Variants in NHS observed in about 807,000 individuals in gnomAD.
The protein encoded by NHS is NHS actin remodeling regulator, also known as actin remodeling regulator NHS.
NHS carries 5 observed loss-of-function variants against 72.5 expected under a neutral mutation model. The observed-to-expected ratio is 0.07, with a 90% confidence interval of 0.04 to 0.14. The LOEUF is 0.14. NHS is among the 10% of genes least tolerant of loss of function. The pLI is 1.00. For synonymous variants in NHS, 464 were observed against 547.7 expected (o/e 0.85, Z 2.13); for missense variants, 1,072 against 1,355.7 (o/e 0.79, Z 3.29).
chrX:17,687,838 C>A lies in NHS; in HGVS notation c.662C>A (p.Pro221His). The change falls in exon 2 of 9, where the codon CCC becomes CAC. Residue 221 changes from proline to histidine, a missense_variant. Coordinates refer to ENST00000676302, the MANE Select transcript of NHS (RefSeq NM_001291867.2). ...RNIFLPATRP[P>H]CVEELHRHAR... ...ATCTTCCTCCCAGCCACAAGGCCAC[C>A]CTGCGTGGAGGAGCTGCACCGCCAC... 2 of 1,212,047 alleles carry A rather than the reference C, an allele frequency of 1.7e-6. No individual in the cohort carries two copies. The highest frequency in any genetic ancestry group is 4.3e-5 in the Admixed American group (2 of 46,099).
chrX:17,392,734 A>G (rs2064451657), intron 1 of NHS, among the ~76,000 whole-genome samples: 2 of 112,174 alleles, frequency 1.8e-5, no homozygotes, highest in African/African-American at 3.2e-5. Flanking sequence ...TAATGCAAAT[A>G]ACGAATGTGC....
At chrX:17,696,570 C>T (rs1340232581) in intron 3 of NHS, among the ~76,000 whole-genome samples, 1 of 112,341 alleles carries the variant, frequency 8.9e-6, no homozygotes, top group Admixed American at 9.4e-5. Context: ...AAGTAGTCTA[C>T]ACAGCCTTTC....
chrX:17,534,096 T>TTGTGTGTGTG (rs59352413), intron 1 of NHS, among the ~76,000 whole-genome samples: 1,230 of 104,921 alleles, frequency 0.012, 13 homozygotes, highest in African/African-American at 0.039. Context: ...TGAAAGGTCA[T>TTGTGTGTGTG]TGTGTGTGTG....
At chrX:17,568,401 A>G (rs2065456365) in intron 1 of NHS, among the ~76,000 whole-genome samples, 1 of 112,299 alleles carries the variant, frequency 8.9e-6, no homozygotes. Flanking sequence ...ATCTATATCA[A>G]GCATATGGCA....
chrX:17,565,823 T>C lies in NHS; in HGVS notation c.566-121919T>C, dbSNP rs768309223. Among the ~76,000 whole-genome samples, 5 of 112,225 alleles carry C rather than the reference T, an allele frequency of 4.5e-5. No individual in the cohort carries two copies. The East Asian group carries it at 1.4e-3, about 31-fold the overall frequency. On this transcript the variant is annotated intron_variant, in intron 1 of 8. Transcript: ENST00000676302. ...ACGCCACATACAAATGTCACACATA[T>C]ACACCCATTGCCTACTGAGTTTAAC... is the stretch of plus-strand genomic sequence containing the variant.
At chrX:17,548,169 T>TA (rs2065303541) in intron 1 of NHS, among the ~76,000 whole-genome samples, 1 of 111,772 alleles carries the variant, frequency 8.9e-6, no homozygotes, top group South Asian at 3.7e-4. Flanking sequence ...TCTGGAGGCT[T>TA]GTTTCCACAA....
rs1485088846 is a variant in NHS at position 17,725,536 on chromosome X, C to T, written c.1430C>T (p.Ser477Phe). The T allele has an allele frequency of 8.3e-7, 1 of 1,209,749 alleles. No individual in the cohort carries two copies. Among genetic ancestry groups the T allele is most frequent in the Non-Finnish European group, 1.1e-6 (1 of 895,234 alleles). ...GGTCAAAGCATTGCAGCTTCCCTTT[C>T]TCATTCTGCTGGCAACATTTCTGCC... ...QRGQSIAASL[S>F]HSAGNISALA... The change falls in exon 7 of 9, where the codon TCT becomes TTT. Residue 477 changes from serine (S) to phenylalanine (F), a missense_variant. Transcript: ENST00000676302.
At position 17,719,410 on chromosome X, in the gene NHS, T is replaced by C. The variant is rs1312603227; in HGVS notation, c.915+4T>C. The C allele has an allele frequency of 1.7e-6, 2 of 1,159,689 alleles. No homozygotes were observed. The highest frequency in any genetic ancestry group is 2.3e-6 in the Non-Finnish European group (2 of 865,817). On this transcript the variant is annotated splice_donor_region_variant and intron_variant, in intron 4 of 8. Coordinates refer to ENST00000676302, the MANE Select transcript of NHS (RefSeq NM_001291867.2). ...CATGACCCCGTGGAGTAGAAAGGTA[T>C]TGGTTCTGAGAACATTCCTTCACGG... is the stretch of plus-strand genomic sequence containing the variant.
chrX:17,488,555 T>G (rs937117805), intron 1 of NHS, among the ~76,000 whole-genome samples: 2 of 112,031 alleles, frequency 1.8e-5, no homozygotes, highest in Non-Finnish European at 3.8e-5. Flanking sequence ...GGCAGGCTGG[T>G]GAAATCTGGA....
At chrX:17,545,598 G>A (rs1160253194) in intron 1 of NHS, among the ~76,000 whole-genome samples, 1 of 111,749 alleles carries the variant, frequency 8.9e-6, no homozygotes, top group East Asian at 2.8e-4. Flanking sequence ...CTCTGCCATG[G>A]GCCCATTCAT....
At chrX:17,454,205 G>A (rs1251052886) in intron 1 of NHS, among the ~76,000 whole-genome samples, 3 of 111,962 alleles carry the variant, frequency 2.7e-5, no homozygotes. Flanking sequence ...CTATTTGATA[G>A]CATTGAAGCT....
chrX:17,721,914 A>G (rs1383527484), intron 5 of NHS, among the ~76,000 whole-genome samples: 1 of 111,894 alleles, frequency 8.9e-6, no homozygotes, highest in Non-Finnish European at 1.9e-5. Context: ...TAATGGAGAA[A>G]GCGGCAGTGA....
intron 1 of NHS, among the ~76,000 whole-genome samples, chrX:17,451,974 G>A (rs1164720358): frequency 9.0e-6 from 1 of 111,635 alleles, no homozygotes. Flanking sequence ...AGTCTTTGGA[G>A]CCCTGTTGAT....
In NHS at chrX:17,623,788, C is replaced by T. The variant is rs1301705861; in HGVS notation, c.566-63954C>T. 2.7e-5 allele frequency among the ~76,000 whole-genome samples: 3 copies of T among 112,209 alleles called. No individual in the cohort carries two copies. In the East Asian group the frequency reaches 8.4e-4, roughly 31 times the overall value. ...GAATCCTGCCCTCTCAGTCCCTCCT[C>T]ACTGTCTCCCTCAGTGGAAGAAAGG... On this transcript the variant is annotated intron_variant, in intron 1 of 8. Transcript: ENST00000676302.
intron 1 of NHS, among the ~76,000 whole-genome samples, chrX:17,615,204 GTATATATATACGTATATATACACA>G (rs2065736914): frequency 1.3e-5 from 1 of 79,852 alleles, no homozygotes; most frequent in African/African-American, 6.0e-5. Flanking sequence ...ACATATATAC[GTATATATATACGTATATATACACA>G]TATATATACG....
At chrX:17,601,723 C>T (rs1220129946) in intron 1 of NHS, among the ~76,000 whole-genome samples, 4 of 111,662 alleles carry the variant, frequency 3.6e-5, no homozygotes, top group Admixed American at 9.5e-5. Context: ...GAGCACAGTC[C>T]GCAAACGATA....
chrX:17,375,937 C>A lies in NHS; in HGVS notation c.180C>A (p.Ala60=). 1 of 1,080,460 alleles carries A rather than the reference C, an allele frequency of 9.3e-7. No homozygotes were observed. The highest frequency in any genetic ancestry group is 1.2e-6 in the Non-Finnish European group (1 of 836,933). The allele number at this position is 1,080,460 out of a possible 1,213,427, so 89.0% of individuals were successfully genotyped here. A position where few individuals can be genotyped will look rare whatever the true frequency, so the allele number is the denominator to read the frequency against. ...CAGGGCCAGAGGAGCCAGCCCGCGC[C>A]GTCCCTGCACCTTCAGGGCTGCCAC... The part of the protein sequence containing the change: ...EAPGPEEPAR[A]VPAPSGLPPP... Residue 60 remains alanine (A), a synonymous_variant, in exon 1 of 9, where the codon GCC becomes GCA. Coordinates refer to ENST00000676302, the MANE Select transcript of NHS (RefSeq NM_001291867.2).
At chrX:17,472,271 G>A (rs1358486024) in intron 1 of NHS, among the ~76,000 whole-genome samples, 3 of 110,302 alleles carry the variant, frequency 2.7e-5, no homozygotes, top group African/African-American at 9.9e-5. Context: ...AAGGGAAGGA[G>A]AAATGATGAG....
At chrX:17,527,149 G>C (rs1484658982) in intron 1 of NHS, among the ~76,000 whole-genome samples, 1 of 112,659 alleles carries the variant, frequency 8.9e-6, no homozygotes, top group Non-Finnish European at 1.9e-5. Context: ...CCGGGTTCTT[G>C]CTAAACTGGA....
Sources: allele counts gnomAD v4.1 joint callset (sites outside exome capture counted in the v4.1 genomes callset), GRCh38; gene constraint gnomAD v4.1.1; transcripts MANE v1.5; gene names NCBI Gene and HGNC (gene_info 2026-07-23, HGNC 2026-07-21).